MTHFD2L: variants seen among roughly 807,000 people sequenced by gnomAD.
MTHFD2L encodes bifunctional methylenetetrahydrofolate dehydrogenase/cyclohydrolase 2, mitochondrial.
A neutral mutation model predicts 34.9 loss-of-function variants in MTHFD2L; 29 were observed. The observed-to-expected ratio is 0.83, with a 90% CI of 0.62 to 1.13. The LOEUF (loss-of-function observed/expected upper bound fraction) is 1.13. Among genes scored for constraint, MTHFD2L ranks in the 50% most tolerant of loss-of-function variants. The pLI is 0.00. For missense variants in MTHFD2L, 481 were observed against 446.5 expected (o/e 1.08, Z -0.70); for synonymous variants, 167 against 155.7 (o/e 1.07, Z -0.54).
chr4:74,162,662 T>C (rs1049824136), intron 1 of MTHFD2L, among the ~76,000 whole-genome samples: 2 of 152,190 alleles, frequency 1.3e-5, no homozygotes, highest in African/African-American at 2.4e-5. Context: ...AGATTTTGCA[T>C]ATACAGTATG....
chr4:74,148,743 C>A (rs1723759506), intron 1 of MTHFD2L, among the ~76,000 whole-genome samples: 1 of 149,760 alleles, frequency 6.7e-6, no homozygotes, highest in African/African-American at 2.4e-5. Flanking sequence ...CAGAGAAACT[C>A]TTGAATAAGT....
At chr4:74,209,668 T>C (rs1284072087) in intron 5 of MTHFD2L, among the ~76,000 whole-genome samples, 4 of 152,220 alleles carry the variant, frequency 2.6e-5, no homozygotes, top group Admixed American at 2.6e-4. Flanking sequence ...TGTGCATGTG[T>C]CTTTATAATA....
In MTHFD2L at chr4:74,174,501, C is replaced by T. The variant is rs376513232; in HGVS notation, c.144-5C>T. The T allele has an allele frequency of 2.1e-6, 3 of 1,462,774 alleles. No homozygotes were observed. The highest frequency in any genetic ancestry group is 2.6e-5 in the East Asian group (1 of 38,590). The allele number at this position is 1,462,774 out of a possible 1,614,324, so 90.6% of individuals were successfully genotyped here. On this transcript the variant is annotated splice_polypyrimidine_tract_variant and splice_region_variant and intron_variant, in intron 1 of 7. Coordinates refer to ENST00000325278, the MANE Select transcript of MTHFD2L (RefSeq NM_001144978.3). ...TTTTAGTATTTATTGTTTTGCTTTC[C>T]ACAGACATGAAGCCATTATTATATC... is the stretch of plus-strand genomic sequence containing the variant.
intron 6 of MTHFD2L, among the ~76,000 whole-genome samples, chr4:74,252,575 A>C (rs1553918329): frequency 6.6e-6 from 1 of 152,206 alleles, no homozygotes; most frequent in Non-Finnish European, 1.5e-5. Context: ...AATTATGAAA[A>C]TGAATTAATT....
chr4:74,229,628 A>G (rs1017513229), intron 6 of MTHFD2L, among the ~76,000 whole-genome samples: 3 of 152,154 alleles, frequency 2.0e-5, no homozygotes, highest in African/African-American at 7.2e-5. Context: ...TGAGACATGA[A>G]TATTAGCTTA....
chr4:74,258,857 GA>G (rs1744351236), intron 6 of MTHFD2L, among the ~76,000 whole-genome samples: 1 of 152,104 alleles, frequency 6.6e-6, no homozygotes, highest in African/African-American at 2.4e-5. Context: ...TGGACAGGGA[GA>G]TACTTCCAGA....
chr4:74,115,189 A>C (rs986608826), intron 2 of MTHFD2L, among the ~76,000 whole-genome samples: 2 of 152,234 alleles, frequency 1.3e-5, no homozygotes, highest in Admixed American at 1.3e-4. Context: ...TAAAACTACT[A>C]TTCTGTTACT....
chr4:74,223,807 T>C (rs941008035), intron 5 of MTHFD2L, among the ~76,000 whole-genome samples: 1 of 152,108 alleles, frequency 6.6e-6, no homozygotes, highest in Non-Finnish European at 1.5e-5. Flanking sequence ...ATTGAATTTT[T>C]AAAAATTTGC....
At chr4:74,129,249 A>G (rs559341882) in intron 1 of MTHFD2L, among the ~76,000 whole-genome samples, 9 of 152,276 alleles carry the variant, frequency 5.9e-5, no homozygotes, top group African/African-American at 2.2e-4. Context: ...CAGACCTAAT[A>G]GACATCCACA....
At chr4:74,223,756 C>T (rs1428660885) in intron 5 of MTHFD2L, among the ~76,000 whole-genome samples, 1 of 151,166 alleles carries the variant, frequency 6.6e-6, no homozygotes, top group Non-Finnish European at 1.5e-5. Context: ...CTTTGTTTTG[C>T]CTTTTGTTTT....
chr4:74,166,157 A>G (rs1438739235), intron 1 of MTHFD2L, among the ~76,000 whole-genome samples: 1 of 152,264 alleles, frequency 6.6e-6, no homozygotes, highest in Admixed American at 6.5e-5. Flanking sequence ...AGTTCCACAA[A>G]CTAGCTAGCT....
intron 6 of MTHFD2L, among the ~76,000 whole-genome samples, chr4:74,241,324 A>G (rs1444424349): frequency 6.6e-6 from 1 of 152,214 alleles, no homozygotes; most frequent in Non-Finnish European, 1.5e-5. Flanking sequence ...AGATAAATCC[A>G]TATTTTAACT....
chr4:74,229,861 T>C (rs1739738750), intron 6 of MTHFD2L, among the ~76,000 whole-genome samples: 1 of 152,178 alleles, frequency 6.6e-6, no homozygotes, highest in Admixed American at 6.5e-5. Flanking sequence ...AACAAGTTTC[T>C]AGAGTACTTT....
At chr4:74,246,092 C>T (rs1742402246) in intron 6 of MTHFD2L, among the ~76,000 whole-genome samples, 1 of 140,850 alleles carries the variant, frequency 7.1e-6, no homozygotes, top group Non-Finnish European at 1.5e-5. Context: ...ACAGTCCCAC[C>T]AACAGTGTAA....
In MTHFD2L at chr4:74,216,639, T is replaced by TA. The variant is rs924074158; in HGVS notation, c.713-8662dup. Among the ~76,000 whole-genome samples, 10 of 151,778 alleles carry TA rather than the reference T, an allele frequency of 6.6e-5. 1 individual carries two copies. The highest frequency in any genetic ancestry group is 2.2e-4 in the African/African-American group (9 of 41,056). ...GCATGTCTAATACCCATCTCAATCT[T>TA]ATATGCAAACCTTCACTCCTAATTT... On this transcript the variant is annotated intron_variant, in intron 5 of 7. Coordinates refer to ENST00000325278, the MANE Select transcript of MTHFD2L (RefSeq NM_001144978.3).
At chr4:74,271,118 G>T (rs1243939199) in intron 6 of MTHFD2L, among the ~76,000 whole-genome samples, 1 of 152,104 alleles carries the variant, frequency 6.6e-6, no homozygotes, top group Non-Finnish European at 1.5e-5. Flanking sequence ...CCATTCTGTA[G>T]GTTGCCTGTT....
chr4:74,169,902 T>C (rs1727532155), intron 1 of MTHFD2L, among the ~76,000 whole-genome samples: 1 of 152,192 alleles, frequency 6.6e-6, no homozygotes, highest in Admixed American at 6.5e-5. Context: ...TATTGGAAGG[T>C]ACAAAGCACA....
At chr4:74,173,528 A>G (rs888207736) in intron 1 of MTHFD2L, among the ~76,000 whole-genome samples, 20 of 152,228 alleles carry the variant, frequency 1.3e-4, no homozygotes, top group African/African-American at 4.6e-4. Flanking sequence ...GCCTGGGGCC[A>G]TGGAATAACA....
chr4:74,187,842 C>T (rs1731620449), intron 3 of MTHFD2L, among the ~76,000 whole-genome samples: 1 of 148,428 alleles, frequency 6.7e-6, no homozygotes, highest in African/African-American at 2.5e-5. Flanking sequence ...CACATTGGTC[C>T]AGCCATTCCG....
Sources: gnomAD v4.1 joint callset for allele counts (sites outside exome capture counted in the v4.1 genomes callset) on GRCh38, gnomAD v4.1.1 for gene constraint, MANE v1.5 for transcripts, NCBI Gene and HGNC (gene_info 2026-07-23, HGNC 2026-07-21) for gene names.